The following SH3RF3 variants were observed in gnomAD, a reference collection of about 807,000 sequenced individuals.
SH3RF3 encodes the protein E3 ubiquitin-protein ligase SH3RF3.
SH3RF3 carries 29 observed loss-of-function variants against 66.3 expected under a neutral mutation model. The observed-to-expected ratio is 0.44, with a 90% CI of 0.33 to 0.60. The LOEUF is 0.60. SH3RF3 is among the 20% of genes least tolerant of loss of function. SH3RF3 has a pLI of 0.04. For synonymous variants in SH3RF3, 583 were observed against 532.0 expected, an observed-to-expected ratio of 1.10 and a Z score of -1.32; for missense variants, 1,194 against 1,190.9, an observed-to-expected ratio of 1.00 and a Z score of -0.04.
At chr2:109,260,437 A>G (rs1167422935) in intron 1 of SH3RF3, among the ~76,000 whole-genome samples, 1 of 152,210 alleles carries the variant, frequency 6.6e-6, no homozygotes, top group Non-Finnish European at 1.5e-5. Context: ...TCAGGGCCAG[A>G]GAAAGGTGGA....
At chr2:109,294,934 A>G (rs796096705) in intron 1 of SH3RF3, among the ~76,000 whole-genome samples, 2 of 152,348 alleles carry the variant, frequency 1.3e-5, no homozygotes, top group African/African-American at 4.8e-5. Flanking sequence ...GGCAGTGGAA[A>G]CAGCACTTTC....
intron 2 of SH3RF3, among the ~76,000 whole-genome samples, chr2:109,362,579 A>G (rs1440573817): frequency 1.3e-5 from 2 of 152,178 alleles, no homozygotes; most frequent in African/African-American, 2.4e-5. Flanking sequence ...AGTTGTATCC[A>G]GTAGATTGAT....
intron 1 of SH3RF3, among the ~76,000 whole-genome samples, chr2:109,255,117 A>T (rs1364008764): frequency 1.3e-5 from 2 of 152,102 alleles, no homozygotes; most frequent in Non-Finnish European, 2.9e-5. Flanking sequence ...GTTAAAGATT[A>T]GTGTTTGTGT....
intron 1 of SH3RF3, among the ~76,000 whole-genome samples, chr2:109,221,021 CAG>C (rs140229679): frequency 0.011 from 1,698 of 152,248 alleles, 8 homozygotes; most frequent in Non-Finnish European, 0.017. Context: ...TGACAGATGA[CAG>C]GGTAAACAAA....
chr2:109,231,899 C>T (rs527420935), intron 1 of SH3RF3, among the ~76,000 whole-genome samples: 2 of 152,266 alleles, frequency 1.3e-5, no homozygotes, highest in Admixed American at 1.3e-4. Context: ...GTAATTTGCC[C>T]TTTTAAAGTG....
chr2:109,212,022 C>T (rs1678994728), intron 1 of SH3RF3, among the ~76,000 whole-genome samples: 1 of 152,218 alleles, frequency 6.6e-6, no homozygotes, highest in African/African-American at 2.4e-5. Flanking sequence ...GATTGAGCAC[C>T]TGCATTGGTG....
chr2:109,230,828 T>C (rs1007498745), intron 1 of SH3RF3, among the ~76,000 whole-genome samples: 2 of 152,176 alleles, frequency 1.3e-5, no homozygotes, highest in African/African-American at 4.8e-5. Flanking sequence ...AGATAAAAAA[T>C]TCCACTTCAT....
At chr2:109,213,994 G>C (rs376144014) in intron 1 of SH3RF3, among the ~76,000 whole-genome samples, 1 of 152,228 alleles carries the variant, frequency 6.6e-6, no homozygotes, top group Non-Finnish European at 1.5e-5. Flanking sequence ...TTGGGTGGAC[G>C]TGGCGGGCAG....
Position 109,233,130 on chromosome 2 carries a change from T to G in SH3RF3, c.573+103017T>G, listed in dbSNP as rs1473192833. Among the ~76,000 whole-genome samples the G allele has an allele frequency of 4.6e-5, 7 of 152,218 alleles. No individual in the cohort carries two copies. The East Asian group carries it at 1.3e-3, about 29-fold the overall frequency. ...GTTACAATTAATGCTCCTTTAGCAG[T>G]TGCTGTCCATGGATGGCTAGGTGTT... On this transcript the variant is annotated intron_variant, in intron 1 of 9. Transcript: ENST00000309415.
At chr2:109,426,965 T>A (rs550611234) in intron 5 of SH3RF3, among the ~76,000 whole-genome samples, 235 of 101,448 alleles carry the variant, frequency 2.3e-3, no homozygotes, top group African/African-American at 0.011. Context: ...GGCAATAAAA[T>A]ATATATATAT....
At chr2:109,142,496 C>T (rs950481668) in intron 1 of SH3RF3, among the ~76,000 whole-genome samples, 3 of 152,194 alleles carry the variant, frequency 2.0e-5, no homozygotes, top group South Asian at 2.1e-4. Flanking sequence ...GCAGGCACAG[C>T]GGCCGAGAGT....
chr2:109,219,280 G>A (rs1291169742), intron 1 of SH3RF3, among the ~76,000 whole-genome samples: 1 of 148,164 alleles, frequency 6.7e-6, no homozygotes, highest in African/African-American at 2.5e-5. Context: ...GGGGGGCTCA[G>A]TATTATTTCC....
intron 1 of SH3RF3, among the ~76,000 whole-genome samples, chr2:109,218,937 C>T (rs1170404568): frequency 6.6e-6 from 1 of 152,178 alleles, no homozygotes; most frequent in Non-Finnish European, 1.5e-5. Context: ...CTGCACGGAC[C>T]AGGCTTGTAG....
intron 3 of SH3RF3, among the ~76,000 whole-genome samples, chr2:109,389,728 C>G (rs1675929602): frequency 6.6e-6 from 1 of 151,966 alleles, no homozygotes; most frequent in Non-Finnish European, 1.5e-5. Flanking sequence ...ATTATTTGGT[C>G]CACTAGATAA....
chr2:109,427,227 C>A (rs1677050250), intron 5 of SH3RF3, among the ~76,000 whole-genome samples: 1 of 152,114 alleles, frequency 6.6e-6, no homozygotes, highest in Admixed American at 6.5e-5. Flanking sequence ...CCTCAGGCTA[C>A]CAAAGTGCTG....
chr2:109,173,922 C>T (rs1280080349), intron 1 of SH3RF3, among the ~76,000 whole-genome samples: 2 of 152,198 alleles, frequency 1.3e-5, no homozygotes, highest in Admixed American at 6.5e-5. Context: ...CGGTGTGGGC[C>T]AATTCTTATG....
At chr2:109,265,660 C>T (rs1421484195) in intron 1 of SH3RF3, among the ~76,000 whole-genome samples, 2 of 152,212 alleles carry the variant, frequency 1.3e-5, no homozygotes, top group Non-Finnish European at 2.9e-5. Context: ...CAGAATGTGT[C>T]TTTGATTTGG....
chr2:109,216,545 G>A (rs1370006880), intron 1 of SH3RF3, among the ~76,000 whole-genome samples: 1 of 152,222 alleles, frequency 6.6e-6, no homozygotes, highest in African/African-American at 2.4e-5. Flanking sequence ...GATACAGAAA[G>A]TCAGCAGAGA....
rs112467014 is a variant in SH3RF3 at position 109,352,408 on chromosome 2, C to T, written c.849+4459C>T. On this transcript the variant is annotated intron_variant, in intron 2 of 9. Transcript: ENST00000309415. Reference sequence around the variant, plus strand: ...CTCAGAGAGGATTGCCTGGGGGTAGCGGAGCTGAGCCCCTTGTGTGGAGGC... The same window carrying T: ...CTCAGAGAGGATTGCCTGGGGGTAGTGGAGCTGAGCCCCTTGTGTGGAGGC... 9.5e-3 allele frequency among the ~76,000 whole-genome samples: 1,448 copies of T among 152,264 alleles called. 11 individuals are homozygous for T. The highest frequency in any genetic ancestry group is 0.022 in the African/African-American group (927 of 41,540).
Sources: gnomAD v4.1 joint callset for allele counts (sites outside exome capture counted in the v4.1 genomes callset) on GRCh38, gnomAD v4.1.1 for gene constraint, MANE v1.5 for transcripts, NCBI Gene and HGNC (gene_info 2026-07-23, HGNC 2026-07-21) for gene names.